Variants in INPP4B observed in about 807,000 individuals in gnomAD.
The protein encoded by INPP4B is inositol polyphosphate 4-phosphatase type II.
INPP4B carries 55 observed loss-of-function variants against 122.5 expected under a neutral mutation model. The ratio of observed to expected loss-of-function variants is 0.45; its 90% CI spans 0.36 to 0.56. The LOEUF is 0.56. Ranked by LOEUF, INPP4B falls within the 20% of genes least tolerant of loss-of-function variation. The probability of loss-of-function intolerance (pLI) is 0.00; values close to 1 mark genes in which losing one functional copy is unlikely to be tolerated. For synonymous variants in INPP4B, 403 were observed against 388.7 expected, an observed-to-expected ratio of 1.04 and a Z score of -0.43; for missense variants, 1,000 against 1,097.7, an observed-to-expected ratio of 0.91 and a Z score of 1.26.
At chr4:142,763,589 A>G (rs1771654803) in intron 1 of INPP4B, among the ~76,000 whole-genome samples, 1 of 152,142 alleles carries the variant, frequency 6.6e-6, no homozygotes, top group Admixed American at 6.5e-5. Flanking sequence ...ATCAGATCTT[A>G]AGGAAAAACT....
intron 7 of INPP4B, among the ~76,000 whole-genome samples, chr4:142,332,692 A>C (rs1046340657): frequency 6.6e-6 from 1 of 152,004 alleles, no homozygotes; most frequent in African/African-American, 2.4e-5. Context: ...TGCCTAGACA[A>C]TGCTTTCTTG....
intron 15 of INPP4B, among the ~76,000 whole-genome samples, chr4:142,185,239 C>A (rs1174439917): frequency 2.6e-5 from 4 of 151,880 alleles, no homozygotes; most frequent in Non-Finnish European, 5.9e-5. Context: ...ATGGTCATAC[C>A]TTTTTATTAA....
At chr4:142,380,144 T>C (rs1050251586) in intron 7 of INPP4B, among the ~76,000 whole-genome samples, 19 of 152,192 alleles carry the variant, frequency 1.2e-4, no homozygotes, top group Admixed American at 7.2e-4. Flanking sequence ...TGCTCCTAGA[T>C]CCACTGTGAA....
chr4:142,159,261 GA>G (rs5862573), intron 17 of INPP4B, among the ~76,000 whole-genome samples: 21 of 147,706 alleles, frequency 1.4e-4, no homozygotes, highest in African/African-American at 4.2e-4. Flanking sequence ...TTGGAACTGT[GA>G]AAAAAAAAAA....
chr4:142,471,926 T>C (rs928816906), intron 2 of INPP4B, among the ~76,000 whole-genome samples: 21 of 152,294 alleles, frequency 1.4e-4, no homozygotes, highest in African/African-American at 5.1e-4. Context: ...ACTGCATTGG[T>C]ATAAAGATAT....
chr4:142,330,664 T>C (rs1220608782), intron 7 of INPP4B, among the ~76,000 whole-genome samples: 1 of 152,188 alleles, frequency 6.6e-6, no homozygotes, highest in Non-Finnish European at 1.5e-5. Flanking sequence ...GATTTTAAAA[T>C]ACATCACCTG....
At chr4:142,310,125 G>GTT (rs575225082) in intron 8 of INPP4B, among the ~76,000 whole-genome samples, 1 of 144,530 alleles carries the variant, frequency 6.9e-6, no homozygotes, top group Non-Finnish European at 1.5e-5. Context: ...CAAAGCACAG[G>GTT]TTTTTTTTTT....
At chr4:142,211,363 A>T (rs762918643) in intron 12 of INPP4B, among the ~76,000 whole-genome samples, 5 of 152,200 alleles carry the variant, frequency 3.3e-5, no homozygotes, top group Non-Finnish European at 7.3e-5. Context: ...AAACTTTCCA[A>T]TCAGGAAGCC....
intron 25 of INPP4B, among the ~76,000 whole-genome samples, chr4:142,067,748 A>C (rs887016761): frequency 6.6e-6 from 1 of 152,106 alleles, no homozygotes; most frequent in African/African-American, 2.4e-5. Flanking sequence ...AAGATTAAAT[A>C]AATAAAATGA....
intron 2 of INPP4B, among the ~76,000 whole-genome samples, chr4:142,704,543 T>C (rs1280268147): frequency 2.0e-5 from 3 of 152,182 alleles, no homozygotes; most frequent in African/African-American, 7.2e-5. Context: ...TTCACAGGCT[T>C]CTACACATTT....
chr4:142,150,375 G>C (rs1436451124), intron 17 of INPP4B, among the ~76,000 whole-genome samples: 1 of 152,162 alleles, frequency 6.6e-6, no homozygotes, highest in African/African-American at 2.4e-5. Context: ...CCACCTATCA[G>C]AGAAATGGAT....
At chr4:142,684,937 G>A (rs1224840655) in intron 2 of INPP4B, among the ~76,000 whole-genome samples, 3 of 152,038 alleles carry the variant, frequency 2.0e-5, no homozygotes, top group Non-Finnish European at 4.4e-5. Flanking sequence ...AACACTGCAT[G>A]CTGGTTATAT....
intron 15 of INPP4B, 66 bp downstream of exon 15, chr4:142,193,021 A>G (rs1836666194): frequency 1.1e-6 from 1 of 935,790 alleles, no homozygotes; most frequent in Admixed American, 1.7e-5. Context: ...ATCACCTTGT[A>G]TATAGACTTC....
At chr4:142,767,834 G>A (rs1772397228) in intron 1 of INPP4B, 1 of 152,194 alleles carries the variant, frequency 6.6e-6, no homozygotes, top group Non-Finnish European at 1.5e-5. Context: ...TTACCCACCA[G>A]CTCCTGTGCA....
At chr4:142,337,745 T>TTATATATAA (rs1561882148) in intron 7 of INPP4B, among the ~76,000 whole-genome samples, 14 of 131,312 alleles carry the variant, frequency 1.1e-4, no homozygotes, top group South Asian at 4.9e-4. Context: ...TTTATATATA[T>TTATATATAA]TATATATTTT....
intron 2 of INPP4B, among the ~76,000 whole-genome samples, chr4:142,572,985 T>C (rs951735102): frequency 1.3e-5 from 2 of 151,994 alleles, no homozygotes; most frequent in Admixed American, 6.6e-5. Flanking sequence ...TAGAACTACC[T>C]GAGACTGGGT....
chr4:142,812,830 A>G (rs1580977700), intron 1 of INPP4B, among the ~76,000 whole-genome samples: 1 of 152,162 alleles, frequency 6.6e-6, no homozygotes, highest in African/African-American at 2.4e-5. Context: ...CAGGTTGTAT[A>G]TGTAAAAGCA....
At chr4:142,714,444 T>C (rs1055561910) in intron 2 of INPP4B, among the ~76,000 whole-genome samples, 2 of 152,194 alleles carry the variant, frequency 1.3e-5, no homozygotes, top group Admixed American at 1.3e-4. Context: ...TTGTTTTCCC[T>C]TTTGACCAGC....
In INPP4B at chr4:142,255,795, C is replaced by T. The variant is rs533544519; in HGVS notation, c.688+4697G>A. On this transcript the variant is annotated intron_variant, in intron 11 of 25. Transcript: ENST00000262992. ...CCACTGTCAACATTAGACAGATCAA[C>T]GAGACAGAAAGTCAACAAGGATACC... 5.7e-4 allele frequency among the ~76,000 whole-genome samples: 86 copies of T among 151,964 alleles called. 1 individual carries two copies. Among genetic ancestry groups the T allele is most frequent in the East Asian group, 3.9e-3 (20 of 5,152 alleles).
Sources: gnomAD v4.1 joint callset for allele counts (sites outside exome capture counted in the v4.1 genomes callset) on GRCh38, gnomAD v4.1.1 for gene constraint, MANE v1.5 for transcripts, NCBI Gene and HGNC (gene_info 2026-07-23, HGNC 2026-07-21) for gene names.